MED27: variants seen among roughly 807,000 people sequenced by gnomAD.
The protein encoded by MED27 is mediator complex subunit 27.
MED27 carries 30 observed loss-of-function variants against 38.2 expected under a neutral mutation model. That is an observed-to-expected ratio of 0.79 (90% CI 0.59 to 1.07). The LOEUF is 1.07. Among genes scored for constraint, MED27 ranks in the 50% least tolerant of loss-of-function variants. The probability of loss-of-function intolerance (pLI) is 0.00; values close to 1 mark genes in which losing one functional copy is unlikely to be tolerated. For synonymous variants in MED27, 122 were observed against 153.5 expected (o/e 0.79, Z 1.52); for missense variants, 289 against 397.5 (o/e 0.73, Z 2.32).
intron 2 of MED27, chr9:132,073,318 C>T: frequency 5.1e-6 from 5 of 987,220 alleles, no homozygotes; most frequent in African/African-American, 1.7e-5. Context: ...AAGCAAACCA[C>T]GAAAGGGGTT....
chr9:131,906,306 A>G (rs992328003), intron 4 of MED27, among the ~76,000 whole-genome samples: 1 of 152,244 alleles, frequency 6.6e-6, no homozygotes, highest in African/African-American at 2.4e-5. Context: ...GGGGCTGTGA[A>G]GACAACAAAG....
At chr9:131,985,496 T>G (rs1460032105) in intron 3 of MED27, among the ~76,000 whole-genome samples, 3 of 152,174 alleles carry the variant, frequency 2.0e-5, no homozygotes, top group Admixed American at 6.5e-5. Flanking sequence ...GCTGGAAAAT[T>G]CCTATCACAT....
chr9:131,887,001 T>C (rs747689886), intron 5 of MED27, among the ~76,000 whole-genome samples: 5 of 152,218 alleles, frequency 3.3e-5, no homozygotes, highest in Non-Finnish European at 5.9e-5. Flanking sequence ...TCCTTCCATT[T>C]TGAGCCCACA....
intron 6 of MED27, among the ~76,000 whole-genome samples, chr9:131,878,664 C>G (rs545282684): frequency 6.6e-6 from 1 of 152,282 alleles, no homozygotes; most frequent in East Asian, 1.9e-4. Context: ...TCTGCTCTTA[C>G]TCTCCCTAAA....
At chr9:132,079,439 G>A (rs942440989) in intron 1 of MED27, among the ~76,000 whole-genome samples, 1 of 152,196 alleles carries the variant, frequency 6.6e-6, no homozygotes, top group Non-Finnish European at 1.5e-5. Context: ...ACAGGACCAG[G>A]AGGCCAGGAG....
intron 2 of MED27, among the ~76,000 whole-genome samples, chr9:132,024,930 T>C (rs1029709004): frequency 9.9e-5 from 15 of 152,154 alleles, no homozygotes; most frequent in Admixed American, 2.6e-4. Flanking sequence ...CATTCGGTAC[T>C]AGAAGATCAA....
intron 2 of MED27, among the ~76,000 whole-genome samples, chr9:132,071,543 C>T (rs2131166183): frequency 6.6e-6 from 1 of 151,946 alleles, no homozygotes; most frequent in East Asian, 1.9e-4. Context: ...TAACACACAC[C>T]CCATGAACGA....
chr9:131,961,650 G>A lies in MED27; in HGVS notation c.480-22176C>T, dbSNP rs145658424. On this transcript the variant is annotated intron_variant, in intron 3 of 7. Transcript: ENST00000292035. ...TTCAAGGCCTGATGAAGGCAGCAGG[G>A]CACAGGACAGAACCGCTGCTTTCGT... is the stretch of plus-strand genomic sequence containing the variant. 2.6e-5 allele frequency among the ~76,000 whole-genome samples: 4 copies of A among 152,328 alleles called. No individual in the cohort carries two copies. In the East Asian group the frequency reaches 7.7e-4, roughly 29 times the overall value.
intron 3 of MED27, among the ~76,000 whole-genome samples, chr9:131,988,398 A>G (rs963596391): frequency 3.3e-5 from 5 of 152,184 alleles, no homozygotes; most frequent in Non-Finnish European, 5.9e-5. Context: ...TTATACTCAG[A>G]TTTTCTTCTG....
chr9:132,035,849 C>T (rs1009558492), intron 2 of MED27, among the ~76,000 whole-genome samples: 1 of 152,036 alleles, frequency 6.6e-6, no homozygotes, highest in Non-Finnish European at 1.5e-5. Flanking sequence ...CCTTTAGTCC[C>T]AGCTACTTGG....
intron 4 of MED27, among the ~76,000 whole-genome samples, chr9:131,900,511 G>A (rs1373390107): frequency 1.3e-5 from 2 of 152,222 alleles, no homozygotes; most frequent in Non-Finnish European, 2.9e-5. Context: ...GGTGAGAGGA[G>A]CTGGTCACTT....
At chr9:131,972,024 C>CA (rs954495826) in intron 3 of MED27, among the ~76,000 whole-genome samples, 21 of 151,584 alleles carry the variant, frequency 1.4e-4, no homozygotes, top group South Asian at 4.2e-4. Context: ...TACTCTCTCT[C>CA]AAAAAAAAAT....
At chr9:132,019,818 C>A (rs1832681386) in intron 2 of MED27, among the ~76,000 whole-genome samples, 1 of 152,210 alleles carries the variant, frequency 6.6e-6, no homozygotes, top group Admixed American at 6.5e-5. Flanking sequence ...GCGATCCCCC[C>A]TGGATGAGAG....
At chr9:131,881,769 T>C (rs2131480680) in intron 6 of MED27, among the ~76,000 whole-genome samples, 3 of 136,250 alleles carry the variant, frequency 2.2e-5, no homozygotes, top group South Asian at 2.7e-4. Flanking sequence ...CCTCCCTCCC[T>C]CCTTCCCTCC....
intron 3 of MED27, among the ~76,000 whole-genome samples, chr9:132,004,290 T>C (rs186640269): frequency 2.2e-4 from 33 of 152,352 alleles, no homozygotes; most frequent in Non-Finnish European, 4.1e-4. Flanking sequence ...AATGTCCCTA[T>C]ATTTATTCTC....
chr9:131,995,486 G>A (rs1159901803), intron 3 of MED27, among the ~76,000 whole-genome samples: 4 of 152,062 alleles, frequency 2.6e-5, no homozygotes, highest in African/African-American at 4.8e-5. Context: ...AACCATCAAC[G>A]TGGTGCAAGT....
At chr9:131,880,292 T>C (rs960788377) in intron 6 of MED27, among the ~76,000 whole-genome samples, 2 of 152,252 alleles carry the variant, frequency 1.3e-5, no homozygotes, top group African/African-American at 4.8e-5. Context: ...CTGTACATTA[T>C]TTTCCAATAT....
rs1830236991 is a variant in MED27, at chr9:131,913,929, G to C, written c.574-19937C>G. Reference sequence around the variant, plus strand: ...TCAAACTTTAATTCCTCTAGCGCTTGCTTGTACCGCTTGTCTTCATTCATT... The same window carrying C: ...TCAAACTTTAATTCCTCTAGCGCTTCCTTGTACCGCTTGTCTTCATTCATT... On this transcript the variant is annotated intron_variant, in intron 4 of 7. Transcript: ENST00000292035. This position sits in a 1 kb window ranked among gnomAD's most constrained non-coding sequence, Gnocchi z 4.5. 7.0e-6 allele frequency among the ~76,000 whole-genome samples: 1 copy of C among 143,374 alleles called. No homozygotes were observed. Among genetic ancestry groups the C allele is most frequent in the Admixed American group, 7.1e-5 (1 of 14,184 alleles). The allele number at this position is 143,374 out of a possible 152,430, so 94.1% of individuals were successfully genotyped here.
At chr9:132,072,258 A>G (rs1478890258) in intron 2 of MED27, among the ~76,000 whole-genome samples, 1 of 152,124 alleles carries the variant, frequency 6.6e-6, no homozygotes, top group East Asian at 1.9e-4. Flanking sequence ...CATTATCTCA[A>G]TCTTCGCTTC....
Sources: allele counts gnomAD v4.1 joint callset (sites outside exome capture counted in the v4.1 genomes callset), GRCh38; gene constraint gnomAD v4.1.1; non-coding constraint Gnocchi (gnomAD v3.1); transcripts MANE v1.5; gene names NCBI Gene and HGNC (gene_info 2026-07-23, HGNC 2026-07-21).